The following ZFHX4 variants were observed in gnomAD, a reference collection of about 807,000 sequenced individuals.
ZFHX4 encodes the protein zinc finger homeobox 4, also known as zinc finger homeobox protein 4.
A neutral mutation model predicts 267.6 loss-of-function variants in ZFHX4; 56 were observed. The observed-to-expected ratio is 0.21, with a 90% CI of 0.17 to 0.26. ZFHX4 has a LOEUF of 0.26. Ranked by LOEUF, ZFHX4 falls within the 10% of genes least tolerant of loss-of-function variation. The pLI, the probability that ZFHX4 is intolerant of heterozygous loss-of-function variation, is 1.00. For missense variants in ZFHX4, 4,332 were observed against 4,420.0 expected (o/e 0.98, Z 0.56); for synonymous variants, 1,778 against 1,665.6 (o/e 1.07, Z -1.64).
At position 76,864,917 on chromosome 8, in the gene ZFHX4, A is replaced by G. The variant is rs1179852596; in HGVS notation, c.*352A>G. 2 of 163,292 alleles carry G rather than the reference A, an allele frequency of 1.2e-5. No homozygotes were observed. The highest frequency in any genetic ancestry group is 3.5e-4 in the East Asian group (2 of 5,762). The allele number at this position is 163,292 out of a possible 1,614,324, so 10.1% of individuals were successfully genotyped here. On this transcript the variant is annotated 3_prime_UTR_variant, in exon 11 of 11. Coordinates refer to ENST00000651372, the MANE Select transcript of ZFHX4 (RefSeq NM_024721.5). ...CTAGCATGTACTGTATGGGAGGATG[A>G]TCCAGATGTTTCAAAGAGAATTTCT...
At position 76,853,061 on chromosome 8, in the gene ZFHX4, CA is replaced by C. The variant is rs764192322; in HGVS notation, c.6141del (p.Pro2048LeufsTer35). On this transcript the variant is annotated frameshift_variant, in exon 10 of 11. Transcript: ENST00000651372. LOFTEE classifies it high-confidence loss of function. ...CCACCCACTCCTCCCCCACCACCAC[CA>C]CCTCCTCCTCCTCCTCCTCCTCCCC... ...APPPTPPPPPPPPPPPPPPPP... is the reference protein window; with the variant it reads ...APPPTPPPPPXPPPPPPPPPP... The C allele has an allele frequency of 3.3e-4, 375 of 1,136,330 alleles. 2 individuals are homozygous for C. In the African/African-American group the frequency reaches 6.0e-3, roughly 18 times the overall value. The allele number at this position is 1,136,330 out of a possible 1,614,324, so 70.4% of individuals were successfully genotyped here.
At chr8:76,801,778 A>C (rs564489069) in intron 4 of ZFHX4, among the ~76,000 whole-genome samples, 3 of 152,268 alleles carry the variant, frequency 2.0e-5, no homozygotes, top group East Asian at 3.9e-4. Flanking sequence ...CATTTTTAGT[A>C]ATTTGCTGAG....
At chr8:76,738,937 A>G (rs1037706691) in intron 3 of ZFHX4, among the ~76,000 whole-genome samples, 10 of 151,192 alleles carry the variant, frequency 6.6e-5, no homozygotes, top group African/African-American at 2.4e-4. Flanking sequence ...CTGGTCTCAA[A>G]CTCCTGGGCT....
At chr8:76,683,147 T>G (rs1807589931) in intron 1 of ZFHX4, 1 of 151,986 alleles carries the variant, frequency 6.6e-6, no homozygotes, top group Non-Finnish European at 1.5e-5. Context: ...GACTTCTCAC[T>G]TCCGCGCGGT....
In ZFHX4 at chr8:76,804,104, T is replaced by C. The variant is rs10448039; in HGVS notation, c.3325+25665T>C. Among the ~76,000 whole-genome samples the C allele has an allele frequency of 2.4e-4, 36 of 152,220 alleles. 1 individual carries two copies. The highest frequency in any genetic ancestry group is 3.7e-4 in the Non-Finnish European group (25 of 67,974). On this transcript the variant is annotated intron_variant, in intron 4 of 10. Transcript: ENST00000651372. ...CATTAGAAAATATTCAAATGCCTTATTCCTGCCATAATAAAATATTATTTT... is the reference window on the plus strand; with the variant it reads ...CATTAGAAAATATTCAAATGCCTTACTCCTGCCATAATAAAATATTATTTT...
chr8:76,855,744 C>G lies in ZFHX4; in HGVS notation c.8823C>G (p.Leu2941=), dbSNP rs779747228. The G allele has an allele frequency of 6.2e-7, 1 of 1,613,928 alleles. No individual in the cohort carries two copies. Among genetic ancestry groups the G allele is most frequent in the East Asian group, 2.2e-5 (1 of 44,846 alleles). The change falls in exon 10 of 11, where the codon CTC becomes CTG. Residue 2941 remains leucine (L), a synonymous_variant. Transcript: ENST00000651372. ...RFRTQMSNLQ[L]KVLKACFSDY... The stretch of plus-strand genomic sequence containing the variant: ...GAACGCAAATGAGCAATCTTCAACT[C>G]AAGGTTCTCAAGGCTTGCTTTAGTG...
In ZFHX4 at chr8:76,704,152, T is replaced by C. The variant is rs777758835; in HGVS notation, c.64T>C (p.Cys22Arg). The stretch of plus-strand genomic sequence containing the variant: ...AAATGGGCAGAGCACATCAAAGCTA[T>C]GTGGAACGACACAACTTGATAATGA... Reference protein sequence around the residue: ...QENGQSTSKLCGTTQLDNEVP... With the variant: ...QENGQSTSKLRGTTQLDNEVP... The change falls in exon 2 of 11, where the codon TGT becomes CGT. Residue 22 changes from cysteine to arginine, a missense_variant. Physicochemically the swap from Cys to Arg is radical, Grantham distance 180 (BLOSUM62 -3). Around this residue, in one of 7 missense-constraint regions of ZFHX4, gnomAD observed 1,195 missense variants for 1,173.6 expected, o/e 1.02. Transcript: ENST00000651372. 39 of 1,613,822 alleles carry C rather than the reference T, an allele frequency of 2.4e-5. No individual in the cohort carries two copies. The highest frequency in any genetic ancestry group is 3.1e-5 in the Non-Finnish European group (36 of 1,179,870).
At chr8:76,688,924 G>T (rs947631175) in intron 1 of ZFHX4, among the ~76,000 whole-genome samples, 6 of 152,046 alleles carry the variant, frequency 3.9e-5, no homozygotes, top group Non-Finnish European at 8.8e-5. Flanking sequence ...GTACTATTAA[G>T]ATGGTTAGAT....
intron 1 of ZFHX4, among the ~76,000 whole-genome samples, chr8:76,686,592 G>A (rs1156919473): frequency 6.6e-6 from 1 of 152,062 alleles, no homozygotes; most frequent in Non-Finnish European, 1.5e-5. Context: ...TTTATGTAAA[G>A]CTCATTAGGT....
chr8:76,743,174 C>A (rs1218239638), intron 3 of ZFHX4, among the ~76,000 whole-genome samples: 1 of 152,180 alleles, frequency 6.6e-6, no homozygotes, highest in Non-Finnish European at 1.5e-5. Flanking sequence ...GCCACTAACA[C>A]AGCCACAGAT....
In ZFHX4 at chr8:76,864,317, G is replaced by A; in HGVS notation, c.10603G>A (p.Ala3535Thr). ...SWPNILFQAS[A>T]RRAASPPSSP... The stretch of plus-strand genomic sequence containing the variant: ...GCCTAATATCCTTTTCCAAGCGTCT[G>A]CCAGGAGAGCTGCTTCTCCCCCTTC... The change falls in exon 11 of 11, where the codon GCC (alanine) becomes ACC (threonine). Residue 3535 changes from alanine to threonine, a missense_variant. By Grantham distance (58) the Ala-to-Thr change is moderately conservative. Coordinates refer to ENST00000651372, the MANE Select transcript of ZFHX4 (RefSeq NM_024721.5). The A allele has an allele frequency of 6.2e-7, 1 of 1,613,746 alleles. No homozygotes were observed. The highest frequency in any genetic ancestry group is 1.1e-5 in the South Asian group (1 of 91,078).
intron 3 of ZFHX4, among the ~76,000 whole-genome samples, chr8:76,718,045 G>A (rs534429969): frequency 6.6e-6 from 1 of 152,314 alleles, no homozygotes; most frequent in South Asian, 2.1e-4. Context: ...AAATCAGGTA[G>A]CAAGTCTAAT....
rs1336570109 is a variant in ZFHX4, at chr8:76,813,811, C to T, written c.3326-19527C>T. On this transcript the variant is annotated intron_variant, in intron 4 of 10. Coordinates refer to ENST00000651372, the MANE Select transcript of ZFHX4 (RefSeq NM_024721.5). ...TTAAGTGTTTGGAGAGGCCCATTAG[C>T]ACTTCTAGGCTCCTAGAATAACAAT... 1.5e-4 allele frequency among the ~76,000 whole-genome samples: 23 copies of T among 152,218 alleles called. 1 individual carries two copies. The Middle Eastern group carries it at 0.017, about 113-fold the overall frequency.
chr8:76,688,305 T>C (rs1429055136), intron 1 of ZFHX4, among the ~76,000 whole-genome samples: 1 of 152,172 alleles, frequency 6.6e-6, no homozygotes, highest in African/African-American at 2.4e-5. Flanking sequence ...TCTCGATTGG[T>C]GAAACACTTC....
intron 10 of ZFHX4, among the ~76,000 whole-genome samples, chr8:76,859,557 C>T (rs1288076897): frequency 1.3e-5 from 2 of 152,008 alleles, no homozygotes; most frequent in Non-Finnish European, 1.5e-5. Context: ...CTATTTTTAA[C>T]TTATTTACTT....
intron 4 of ZFHX4, chr8:76,782,100 A>ATTTTTTTTT (rs77420241): frequency 1.7e-5 from 4 of 236,754 alleles, no homozygotes; most frequent in East Asian, 1.5e-4. Context: ...TCAGTTAAGA[A>ATTTTTTTTT]TTTTTTTTTT....
At chr8:76,708,135 G>T (rs781204964) in intron 3 of ZFHX4, 87 bp downstream of exon 3, 2 of 1,544,794 alleles carry the variant, frequency 1.3e-6, no homozygotes, top group East Asian at 4.5e-5. Flanking sequence ...TCCAACTTAA[G>T]GAAAAAAAAA....
intron 3 of ZFHX4, among the ~76,000 whole-genome samples, chr8:76,755,608 A>G (rs1398227584): frequency 6.6e-6 from 1 of 152,186 alleles, no homozygotes; most frequent in Non-Finnish European, 1.5e-5. Flanking sequence ...GTGACATTGT[A>G]TGGATACTGT....
intron 10 of ZFHX4, among the ~76,000 whole-genome samples, chr8:76,859,723 G>A (rs1256306982): frequency 6.6e-6 from 1 of 152,026 alleles, no homozygotes; most frequent in Non-Finnish European, 1.5e-5. Flanking sequence ...ATGTAGATAA[G>A]AGTAAGTCCT....
Sources: allele counts gnomAD v4.1 joint callset (sites outside exome capture counted in the v4.1 genomes callset), GRCh38; gene constraint gnomAD v4.1.1; regional missense constraint gnomAD v4.1.1; transcripts MANE v1.5; gene names NCBI Gene and HGNC (gene_info 2026-07-23, HGNC 2026-07-21).